Variants in MCUB observed in about 807,000 individuals in gnomAD.
The protein encoded by MCUB is mitochondrial calcium uniporter dominant negative subunit beta.
A neutral mutation model predicts 41.4 loss-of-function variants in MCUB; 46 were observed. The observed-to-expected ratio is 1.11, with a 90% CI of 0.88 to 1.42. MCUB has a LOEUF of 1.42. Ranked by LOEUF, MCUB falls within the 40% of genes most tolerant of loss-of-function variation. The probability of loss-of-function intolerance (pLI) is 0.00; values close to 1 mark genes in which losing one functional copy is unlikely to be tolerated. For synonymous variants in MCUB, 148 were observed against 148.2 expected (o/e 1.00, Z 0.01); for missense variants, 403 against 404.9 (o/e 1.00, Z 0.04).
intron 1 of MCUB, among the ~76,000 whole-genome samples, chr4:109,654,970 G>GC (rs886796941): frequency 9.9e-5 from 15 of 152,208 alleles, no homozygotes; most frequent in African/African-American, 3.6e-4. Context: ...ATAGCTTAGT[G>GC]CCACAAGACT....
intron 1 of MCUB, among the ~76,000 whole-genome samples, chr4:109,643,506 A>C (rs901781870): frequency 7.1e-6 from 1 of 141,608 alleles, no homozygotes; most frequent in African/African-American, 2.6e-5. Context: ...TTTTATTTTT[A>C]TTTATTTATA....
At chr4:109,677,440 T>C (rs1392728714) in intron 4 of MCUB, among the ~76,000 whole-genome samples, 3 of 152,170 alleles carry the variant, frequency 2.0e-5, no homozygotes, top group African/African-American at 4.8e-5. Flanking sequence ...GTATTTTGTG[T>C]GGGAAAAGGA....
At chr4:109,570,230 A>T (rs1726883135) in intron 1 of MCUB, among the ~76,000 whole-genome samples, 1 of 152,140 alleles carries the variant, frequency 6.6e-6, no homozygotes, top group Non-Finnish European at 1.5e-5. Flanking sequence ...GCTTACCACC[A>T]TGCCTGCATC....
intron 1 of MCUB, among the ~76,000 whole-genome samples, chr4:109,635,574 A>G (rs1728570880): frequency 6.6e-6 from 1 of 152,162 alleles, no homozygotes; most frequent in Non-Finnish European, 1.5e-5. Context: ...CCTGTGCCCT[A>G]TGCAAATCAG....
chr4:109,602,865 G>C (rs1392853071), intron 1 of MCUB, among the ~76,000 whole-genome samples: 1 of 151,962 alleles, frequency 6.6e-6, no homozygotes, highest in Non-Finnish European at 1.5e-5. Flanking sequence ...CTTTTTTGGT[G>C]TCCGCTTCTT....
chr4:109,627,632 A>G (rs150901916), intron 1 of MCUB, among the ~76,000 whole-genome samples: 257 of 152,220 alleles, frequency 1.7e-3, no homozygotes, highest in South Asian at 5.0e-3. Context: ...TACTCTCTAG[A>G]CTGGGCACGG....
chr4:109,628,729 G>C (rs752409115), intron 1 of MCUB, among the ~76,000 whole-genome samples: 7 of 152,210 alleles, frequency 4.6e-5, no homozygotes, highest in Non-Finnish European at 1.0e-4. Flanking sequence ...TGAGTATAGA[G>C]AGAAAATAAT....
At chr4:109,569,901 G>T (rs1446317030) in intron 1 of MCUB, among the ~76,000 whole-genome samples, 1 of 152,188 alleles carries the variant, frequency 6.6e-6, no homozygotes, top group Admixed American at 6.5e-5. Context: ...ATTGTGAGAT[G>T]AATGCTGTTG....
chr4:109,671,467 C>A (rs1379396558), intron 4 of MCUB, among the ~76,000 whole-genome samples: 4 of 152,022 alleles, frequency 2.6e-5, no homozygotes, highest in Non-Finnish European at 5.9e-5. Flanking sequence ...GTTGGCATAC[C>A]CCCAAGCTGA....
rs142617080 is a variant in MCUB at position 109,599,913 on chromosome 4, G to A, written c.99+39477G>A. On this transcript the variant is annotated intron_variant, in intron 1 of 7. Transcript: ENST00000394650. The stretch of plus-strand genomic sequence containing the variant: ...TCAGACTCCTGACCTCAAGCAGTCC[G>A]CTCACCTCAGCCTCTCAAAGTGCTG... Among the ~76,000 whole-genome samples, 903 of 152,112 alleles carry A rather than the reference G, an allele frequency of 5.9e-3. 30 individuals carry two copies. The South Asian group carries it at 0.073, about 12-fold the overall frequency.
chr4:109,616,053 A>C (rs1728119199), intron 1 of MCUB, among the ~76,000 whole-genome samples: 1 of 152,262 alleles, frequency 6.6e-6, no homozygotes, highest in Non-Finnish European at 1.5e-5. Flanking sequence ...GCATAGGCCA[A>C]AAATTTAAGT....
At chr4:109,646,231 T>A (rs964106530) in intron 1 of MCUB, among the ~76,000 whole-genome samples, 1 of 152,240 alleles carries the variant, frequency 6.6e-6, no homozygotes, top group East Asian at 1.9e-4. Context: ...TACCCTTACA[T>A]AATCACAGAC....
At chr4:109,682,289 AAAT>A (rs1426659258) in intron 4 of MCUB, among the ~76,000 whole-genome samples, 11 of 151,036 alleles carry the variant, frequency 7.3e-5, no homozygotes, top group African/African-American at 2.2e-4. Flanking sequence ...CTTCAGCTGA[AAAT>A]AATCCTTATG....
chr4:109,604,055 C>T (rs562920239), intron 1 of MCUB, among the ~76,000 whole-genome samples: 1 of 152,058 alleles, frequency 6.6e-6, no homozygotes, highest in East Asian at 1.9e-4. Context: ...AATTCTTCTG[C>T]CTTGGGATGC....
chr4:109,561,914 A>G lies in MCUB; in HGVS notation c.99+1478A>G, dbSNP rs548724514. On this transcript the variant is annotated intron_variant, in intron 1 of 7. Transcript: ENST00000394650. ...CCGGCGCGCGCCACCGCACCCGGCT[A>G]ATTTTTGTATTTTTAGTAGAGACGG... 2.3e-3 allele frequency among the ~76,000 whole-genome samples: 343 copies of G among 152,076 alleles called. 1 individual carries two copies. Among genetic ancestry groups the G allele is most frequent in the Non-Finnish European group, 2.5e-3 (169 of 67,994 alleles).
intron 4 of MCUB, among the ~76,000 whole-genome samples, chr4:109,670,097 G>T (rs1415089930): frequency 6.6e-6 from 1 of 152,194 alleles, no homozygotes; most frequent in African/African-American, 2.4e-5. Context: ...TTAAAAGCTG[G>T]ATGTGATATA....
At chr4:109,664,450 T>G in intron 4 of MCUB, 56 bp downstream of exon 4, 1 of 682,358 alleles carries the variant, frequency 1.5e-6, no homozygotes, top group Non-Finnish European at 2.5e-6. Context: ...AGATGAATTC[T>G]CACTTGCTCT....
chr4:109,598,663 AATTCTCTTTCAATTATG>A (rs894218945), intron 1 of MCUB, among the ~76,000 whole-genome samples: 7 of 152,020 alleles, frequency 4.6e-5, no homozygotes, highest in African/African-American at 1.7e-4. Flanking sequence ...AAGCTTCCCA[AATTCTCTTTCAATTATG>A]ATCTGGGCCC....
chr4:109,659,211 ATT>A (rs1196062834), intron 2 of MCUB, 125 bp downstream of exon 2: 3 of 635,148 alleles, frequency 4.7e-6, no homozygotes, highest in Non-Finnish European at 8.5e-6. Flanking sequence ...CCCCACCCTG[ATT>A]GGGTTCACTT....
Sources: gnomAD v4.1 joint callset for allele counts (sites outside exome capture counted in the v4.1 genomes callset) on GRCh38, gnomAD v4.1.1 for gene constraint, MANE v1.5 for transcripts, NCBI Gene and HGNC (gene_info 2026-07-23, HGNC 2026-07-21) for gene names.